The following PPP1R9A variants were observed in gnomAD, a reference collection of about 807,000 sequenced individuals.
The protein encoded by PPP1R9A is neurabin-1.
PPP1R9A carries 59 observed loss-of-function variants against 141.9 expected under a neutral mutation model. The observed-to-expected ratio is 0.42, with a 90% CI of 0.34 to 0.52. PPP1R9A has a LOEUF of 0.52. PPP1R9A is among the 20% of genes least tolerant of loss of function. The probability of loss-of-function intolerance (pLI) is 0.10; values close to 1 mark genes in which losing one functional copy is unlikely to be tolerated. For synonymous variants in PPP1R9A, 500 were observed against 569.7 expected, an observed-to-expected ratio of 0.88 and a Z score of 1.74; for missense variants, 1,444 against 1,611.9, an observed-to-expected ratio of 0.90 and a Z score of 1.78.
At chr7:94,952,737 G>A (rs565857596) in intron 2 of PPP1R9A, among the ~76,000 whole-genome samples, 64 of 152,150 alleles carry the variant, frequency 4.2e-4, no homozygotes, top group African/African-American at 1.5e-3. Context: ...AAGTTTCTTG[G>A]CCACATAAAT....
chr7:95,142,874 G>A (rs1826953541), intron 4 of PPP1R9A, among the ~76,000 whole-genome samples: 1 of 151,848 alleles, frequency 6.6e-6, no homozygotes, highest in Non-Finnish European at 1.5e-5. Flanking sequence ...TATGCATTTT[G>A]TGTATATTAT....
At chr7:95,035,097 A>G (rs1483122456) in intron 2 of PPP1R9A, among the ~76,000 whole-genome samples, 5 of 152,176 alleles carry the variant, frequency 3.3e-5, no homozygotes, top group Non-Finnish European at 5.9e-5. Context: ...ATTGATTATG[A>G]TAATGAGAAA....
At chr7:95,048,524 T>G (rs1005218831) in intron 2 of PPP1R9A, among the ~76,000 whole-genome samples, 7 of 131,952 alleles carry the variant, frequency 5.3e-5, no homozygotes, top group African/African-American at 2.0e-4. Flanking sequence ...TGACAGCGTT[T>G]TGTTGTTGTT....
chr7:95,135,974 A>C (rs1349739172), intron 4 of PPP1R9A, among the ~76,000 whole-genome samples: 4 of 151,000 alleles, frequency 2.6e-5, no homozygotes, highest in Non-Finnish European at 5.9e-5. Context: ...AAATATTTGA[A>C]AGATAAAGAA....
intron 2 of PPP1R9A, among the ~76,000 whole-genome samples, chr7:95,070,285 A>G (rs943153829): frequency 3.3e-5 from 5 of 151,986 alleles, no homozygotes; most frequent in Non-Finnish European, 4.4e-5. Flanking sequence ...TCATGGAAAA[A>G]TTTCTGTGTT....
At chr7:95,040,322 A>T (rs1809047459) in intron 2 of PPP1R9A, among the ~76,000 whole-genome samples, 1 of 152,086 alleles carries the variant, frequency 6.6e-6, no homozygotes, top group Non-Finnish European at 1.5e-5. Context: ...GTACCAAAAA[A>T]AAAAAGTGCT....
chr7:95,199,547 G>A (rs796873274), intron 6 of PPP1R9A, among the ~76,000 whole-genome samples: 17 of 152,210 alleles, frequency 1.1e-4, no homozygotes, highest in African/African-American at 4.1e-4. Context: ...TGAATATGTG[G>A]TATAATGAGG....
rs1250270428 is a variant in PPP1R9A at position 94,967,198 on chromosome 7, C to T, written c.1395+55690C>T. Among the ~76,000 whole-genome samples, 9 of 152,114 alleles carry T rather than the reference C, an allele frequency of 5.9e-5. No homozygotes were observed. In the East Asian group the frequency reaches 1.7e-3, roughly 29 times the overall value. On this transcript the variant is annotated intron_variant, in intron 2 of 19. Coordinates refer to ENST00000433360, the MANE Select transcript of PPP1R9A (RefSeq NM_001166160.2). ...TCATTTTTGTTGTGTCTATTTGTAT[C>T]TTATCCCTTTTTTTCTTTATTAGTC...
rs187834063 is a variant in PPP1R9A at position 95,073,178 on chromosome 7, G to T, written c.1396-38081G>T. ...TTTTTGTATTTTTTGTAGAGACAGGGTTTCACCATGTTGGCCAGGCTGGTC... is the reference window on the plus strand; with the variant it reads ...TTTTTGTATTTTTTGTAGAGACAGGTTTTCACCATGTTGGCCAGGCTGGTC... On this transcript the variant is annotated intron_variant, in intron 2 of 19. Coordinates refer to ENST00000433360, the MANE Select transcript of PPP1R9A (RefSeq NM_001166160.2). Among the ~76,000 whole-genome samples the T allele has an allele frequency of 6.8e-3, 1,025 of 150,928 alleles. 6 individuals carry two copies. The highest frequency in any genetic ancestry group is 0.011 in the Non-Finnish European group (742 of 67,854).
At chr7:94,985,955 A>C (rs539091224) in intron 2 of PPP1R9A, among the ~76,000 whole-genome samples, 1 of 152,304 alleles carries the variant, frequency 6.6e-6, no homozygotes, top group South Asian at 2.1e-4. Flanking sequence ...TGTTGGGAGG[A>C]GGAGACATAA....
intron 7 of PPP1R9A, among the ~76,000 whole-genome samples, chr7:95,220,086 A>G (rs1447275680): frequency 1.3e-5 from 2 of 152,276 alleles, no homozygotes; most frequent in Middle Eastern, 3.4e-3. Flanking sequence ...TGAGGAAACA[A>G]CATTCAAAGA....
At chr7:95,006,166 G>C (rs368092102) in intron 2 of PPP1R9A, among the ~76,000 whole-genome samples, 2 of 151,512 alleles carry the variant, frequency 1.3e-5, no homozygotes, top group Admixed American at 1.3e-4. Flanking sequence ...CTTTCATAAG[G>C]ATTAAAATAA....
rs33928009 is a variant in PPP1R9A at position 95,137,415 on chromosome 7, C to CA, written c.1649+16606dup. On this transcript the variant is annotated intron_variant, in intron 4 of 19. Coordinates refer to ENST00000433360, the MANE Select transcript of PPP1R9A (RefSeq NM_001166160.2). ...CATGTCCCTACAAAGGACATGAACTCAAAAAAAAAAAAAAAAAAAAAAAGA... is the reference window on the plus strand; with the variant it reads ...CATGTCCCTACAAAGGACATGAACTCAAAAAAAAAAAAAAAAAAAAAAAAGA... Among the ~76,000 whole-genome samples the CA allele has an allele frequency of 4.7e-3, 430 of 91,230 alleles. 3 individuals carry two copies. Among genetic ancestry groups the CA allele is most frequent in the East Asian group, 8.3e-3 (24 of 2,898 alleles). The allele number at this position is 91,230 out of a possible 152,430, so 59.9% of individuals were successfully genotyped here.
At chr7:95,166,437 T>C (rs1831280491) in intron 5 of PPP1R9A, among the ~76,000 whole-genome samples, 2 of 152,136 alleles carry the variant, frequency 1.3e-5, no homozygotes, top group Non-Finnish European at 2.9e-5. Context: ...TGGATACATA[T>C]ATGTAGCCTA....
intron 4 of PPP1R9A, among the ~76,000 whole-genome samples, chr7:95,131,218 G>C (rs948672440): frequency 6.6e-6 from 1 of 152,080 alleles, no homozygotes; most frequent in African/African-American, 2.4e-5. Flanking sequence ...TGCTGTTGTC[G>C]TGACAGTGAA....
In PPP1R9A at chr7:95,082,045, G is replaced by A. The variant is rs79614889; in HGVS notation, c.1396-29214G>A. On this transcript the variant is annotated intron_variant, in intron 2 of 19. Transcript: ENST00000433360. Reference sequence around the variant, plus strand: ...GAATTGTCATTGTTTGACCTGTGTGGTGATTGTCTGGATAACCCCACTCAC... The same window carrying A: ...GAATTGTCATTGTTTGACCTGTGTGATGATTGTCTGGATAACCCCACTCAC... Among the ~76,000 whole-genome samples, 1,269 of 152,256 alleles carry A rather than the reference G, an allele frequency of 8.3e-3. 38 individuals carry two copies. Among genetic ancestry groups the A allele is most frequent in the East Asian group, 0.038 (195 of 5,176 alleles).
At chr7:95,289,603 A>G (rs1443135339) in intron 19 of PPP1R9A, among the ~76,000 whole-genome samples, 1 of 152,244 alleles carries the variant, frequency 6.6e-6, no homozygotes, top group African/African-American at 2.4e-5. Context: ...ATGGCTAGTC[A>G]TGCTGACACG....
intron 4 of PPP1R9A, among the ~76,000 whole-genome samples, chr7:95,135,201 C>T (rs1825429736): frequency 6.6e-6 from 1 of 152,128 alleles, no homozygotes; most frequent in East Asian, 1.9e-4. Flanking sequence ...TGTATGTGTA[C>T]ATGTGCGTAT....
chr7:95,203,418 A>G (rs1385954499), intron 6 of PPP1R9A, among the ~76,000 whole-genome samples: 4 of 152,192 alleles, frequency 2.6e-5, no homozygotes, highest in African/African-American at 9.6e-5. Flanking sequence ...AAACAAGAGA[A>G]TGCAATTATT....
Sources: gnomAD v4.1 joint callset for allele counts (sites outside exome capture counted in the v4.1 genomes callset) on GRCh38, gnomAD v4.1.1 for gene constraint, MANE v1.5 for transcripts, NCBI Gene and HGNC (gene_info 2026-07-23, HGNC 2026-07-21) for gene names.